Variants in BARX2 observed in about 807,000 individuals in gnomAD.
BARX2 encodes homeobox protein BarH-like 2.
BARX2 carries 11 observed loss-of-function variants against 25.5 expected under a neutral mutation model. The observed-to-expected ratio is 0.43, with a 90% CI of 0.27 to 0.71. The LOEUF (loss-of-function observed/expected upper bound fraction) is 0.71, where lower values mean the gene tolerates loss of function less well. Among genes scored for constraint, BARX2 ranks in the 30% least tolerant of loss-of-function variants. The pLI, the probability that BARX2 is intolerant of heterozygous loss-of-function variation, is 0.19. For missense variants in BARX2, 360 were observed against 359.9 expected, an observed-to-expected ratio of 1.00 and a Z score of 0.00; for synonymous variants, 137 against 149.5, an observed-to-expected ratio of 0.92 and a Z score of 0.61.
chr11:129,382,492 T>C (rs1861576866), intron 1 of BARX2, among the ~76,000 whole-genome samples: 1 of 152,150 alleles, frequency 6.6e-6, no homozygotes, highest in Non-Finnish European at 1.5e-5. Flanking sequence ...GCCTCTTAAT[T>C]TGTACTGAGC....
chr11:129,383,992 C>A (rs1017737942), intron 1 of BARX2, among the ~76,000 whole-genome samples: 1 of 151,924 alleles, frequency 6.6e-6, no homozygotes, highest in Non-Finnish European at 1.5e-5. Context: ...TCCTGCCGCA[C>A]CCTACCAAGT....
At chr11:129,379,509 C>CT (rs1861539033) in intron 1 of BARX2, among the ~76,000 whole-genome samples, 1 of 151,680 alleles carries the variant, frequency 6.6e-6, no homozygotes, top group Non-Finnish European at 1.5e-5. Flanking sequence ...ATTTAGGATG[C>CT]TTTATTTTCT....
intron 1 of BARX2, among the ~76,000 whole-genome samples, chr11:129,413,191 C>G (rs550048851): frequency 2.0e-5 from 3 of 152,178 alleles, no homozygotes; most frequent in Non-Finnish European, 2.9e-5. Flanking sequence ...ATCTTATTCT[C>G]GTAATATATT....
At chr11:129,411,415 A>G (rs988500111) in intron 1 of BARX2, among the ~76,000 whole-genome samples, 17 of 151,360 alleles carry the variant, frequency 1.1e-4, no homozygotes, top group Middle Eastern at 3.5e-3. Flanking sequence ...AGCAGAGTGG[A>G]TATTACTGAA....
intron 1 of BARX2, among the ~76,000 whole-genome samples, chr11:129,387,469 G>A (rs1861627090): frequency 6.6e-6 from 1 of 152,234 alleles, no homozygotes; most frequent in South Asian, 2.1e-4. Flanking sequence ...GAAAGAGAGA[G>A]AGAGGAAGGT....
chr11:129,427,712 G>A (rs1862081817), intron 1 of BARX2, among the ~76,000 whole-genome samples: 1 of 152,156 alleles, frequency 6.6e-6, no homozygotes, highest in South Asian at 2.1e-4. Context: ...CTGTACTTGG[G>A]GGATTTTGCC....
At chr11:129,432,721 T>C (rs1862142773) in intron 1 of BARX2, among the ~76,000 whole-genome samples, 1 of 152,200 alleles carries the variant, frequency 6.6e-6, no homozygotes, top group South Asian at 2.1e-4. Context: ...AATTAAACTT[T>C]AGAATGGGAA....
chr11:129,442,651 CAG>C (rs1343512210), intron 2 of BARX2, 182 bp from the exon 3 acceptor site: 5 of 654,320 alleles, frequency 7.6e-6, no homozygotes, highest in East Asian at 2.9e-5. Flanking sequence ...CTCAGCTTCC[CAG>C]AGTTTCCTCT....
At chr11:129,442,156 G>A (rs757329732) in intron 2 of BARX2, among the ~76,000 whole-genome samples, 9 of 152,122 alleles carry the variant, frequency 5.9e-5, no homozygotes, top group Non-Finnish European at 1.0e-4. Context: ...CAGCTACAGC[G>A]ATTGAATCAA....
At chr11:129,417,319 C>T (rs1861955851) in intron 1 of BARX2, among the ~76,000 whole-genome samples, 1 of 152,186 alleles carries the variant, frequency 6.6e-6, no homozygotes, top group Admixed American at 6.5e-5. Context: ...CTGCTCTGCC[C>T]TGACTCAGCT....
intron 1 of BARX2, among the ~76,000 whole-genome samples, chr11:129,382,786 T>G (rs1861581256): frequency 6.6e-6 from 1 of 152,074 alleles, no homozygotes; most frequent in South Asian, 2.1e-4. Flanking sequence ...TTAACCACCT[T>G]TTCCCCGAGA....
chr11:129,446,135 A>G (rs1260985999), intron 3 of BARX2, among the ~76,000 whole-genome samples: 1 of 152,132 alleles, frequency 6.6e-6, no homozygotes, highest in Non-Finnish European at 1.5e-5. Flanking sequence ...CGCACCCTCT[A>G]TTCCATGTCT....
Position 129,436,946 on chromosome 11 carries a change from C to T in BARX2, c.383C>T (p.Pro128Leu), listed in dbSNP as rs200451881. 6.2e-7 allele frequency: 1 copy of T among 1,612,858 alleles called. No individual in the cohort carries two copies. Among genetic ancestry groups the T allele is most frequent in the East Asian group, 2.2e-5 (1 of 44,840 alleles). Reference sequence around the variant, plus strand: ...GAGTCAGAGACGGAACAGCCCACGCCCCGACAGAAGAAGCCCCGCCGGAGT... The same window carrying T: ...GAGTCAGAGACGGAACAGCCCACGCTCCGACAGAAGAAGCCCCGCCGGAGT... ...SSESETEQPT[P>L]RQKKPRRSRT... The change falls in exon 2 of 4, where the codon CCC becomes CTC. Residue 128 changes from proline (P) to leucine (L), a missense_variant. Pro to Leu is a moderately conservative substitution (Grantham distance 98). Around this residue, in one of 3 missense-constraint regions of BARX2, gnomAD observed 240 missense variants for 228.7 expected, o/e 1.05. Coordinates refer to ENST00000281437, the MANE Select transcript of BARX2 (RefSeq NM_003658.5). This position sits in a 1 kb window ranked among gnomAD's most constrained non-coding sequence, Gnocchi z 4.5.
At position 129,376,040 on chromosome 11, in the gene BARX2, A is replaced by C. The variant is rs371564225; in HGVS notation, c.5A>C (p.His2Pro). The C allele has an allele frequency of 3.2e-6, 5 of 1,568,820 alleles. No homozygotes were observed. The highest frequency in any genetic ancestry group is 3.4e-6 in the Non-Finnish European group (4 of 1,161,232). Reference protein sequence around the residue: MHCHAELRLSSP... With the variant: MPCHAELRLSSP... ...GGACGCTCGCGCCGGCTCACCATGC[A>C]CTGCCACGCCGAGCTGAGGCTGAGC... The change falls in exon 1 of 4, where the codon CAC becomes CCC. Residue 2 changes from histidine to proline, a missense_variant. His to Pro is a moderately conservative substitution (Grantham distance 77). Transcript: ENST00000281437. This position sits in a 1 kb window ranked among gnomAD's most constrained non-coding sequence, Gnocchi z 4.2.
At chr11:129,389,715 CT>C (rs1366361708) in intron 1 of BARX2, among the ~76,000 whole-genome samples, 14 of 65,064 alleles carry the variant, frequency 2.2e-4, no homozygotes, top group African/African-American at 2.0e-4. Flanking sequence ...TAGGGATAGT[CT>C]TTTTTTTTTT....
intron 1 of BARX2, among the ~76,000 whole-genome samples, chr11:129,379,817 G>A (rs774067762): frequency 3.7e-3 from 562 of 152,126 alleles, no homozygotes; most frequent in Middle Eastern, 0.014. Context: ...TTAGAACCTA[G>A]AATTACCTTA....
chr11:129,390,375 G>A lies in BARX2; in HGVS notation c.187+14153G>A, dbSNP rs904720010. ...CCCCTAGGGTCCTCAGAACCATAGA[G>A]TCTGAGTTTTCTGAATTGTTGAAAA... On this transcript the variant is annotated intron_variant, in intron 1 of 3. Transcript: ENST00000281437. This position sits in a 1 kb window ranked among gnomAD's most constrained non-coding sequence, Gnocchi z 4.3. Among the ~76,000 whole-genome samples, 6 of 152,184 alleles carry A rather than the reference G, an allele frequency of 3.9e-5. No homozygotes were observed. Among genetic ancestry groups the A allele is most frequent in the Non-Finnish European group, 5.9e-5 (4 of 68,034 alleles).
At position 129,383,739 on chromosome 11, in the gene BARX2, C is replaced by G. The variant is rs1493546; in HGVS notation, c.187+7517C>G. Among the ~76,000 whole-genome samples, 721 of 152,318 alleles carry G rather than the reference C, an allele frequency of 4.7e-3. 15 individuals carry two copies. The East Asian group carries it at 0.058, about 12-fold the overall frequency. On this transcript the variant is annotated intron_variant, in intron 1 of 3. Coordinates refer to ENST00000281437, the MANE Select transcript of BARX2 (RefSeq NM_003658.5). Reference sequence around the variant, plus strand: ...AAGCTGGGAGGATCTCAGCACCAAACTAACTACGTTCCATGTACAAGCAGA... The same window carrying G: ...AAGCTGGGAGGATCTCAGCACCAAAGTAACTACGTTCCATGTACAAGCAGA...
At chr11:129,433,058 A>C (rs1862146878) in intron 1 of BARX2, among the ~76,000 whole-genome samples, 1 of 151,974 alleles carries the variant, frequency 6.6e-6, no homozygotes, top group African/African-American at 2.4e-5. Flanking sequence ...CTCTAACCCA[A>C]CCTCTATCTG....
Sources: allele counts gnomAD v4.1 joint callset (sites outside exome capture counted in the v4.1 genomes callset), GRCh38; gene constraint gnomAD v4.1.1; regional missense constraint gnomAD v4.1.1; non-coding constraint Gnocchi (gnomAD v3.1); transcripts MANE v1.5; gene names NCBI Gene and HGNC (gene_info 2026-07-23, HGNC 2026-07-21).